Variants in ZFP2 observed in about 807,000 individuals in gnomAD.
ZFP2 encodes zinc finger protein ZFP2.
A neutral mutation model predicts 36.1 loss-of-function variants in ZFP2; 33 were observed. The ratio of observed to expected loss-of-function variants is 0.92; its 90% CI spans 0.69 to 1.22. The LOEUF is 1.22. ZFP2 is among the 50% of genes most tolerant of loss of function. The probability of loss-of-function intolerance (pLI) is 0.00; values close to 1 mark genes in which losing one functional copy is unlikely to be tolerated. For missense variants in ZFP2, 522 were observed against 551.4 expected, an observed-to-expected ratio of 0.95 and a Z score of 0.53; for synonymous variants, 170 against 178.0, an observed-to-expected ratio of 0.96 and a Z score of 0.36.
chr5:178,907,804 A>G (rs550916870), intron 1 of ZFP2, among the ~76,000 whole-genome samples: 2 of 152,368 alleles, frequency 1.3e-5, no homozygotes, highest in South Asian at 2.1e-4. Flanking sequence ...TCATCAAAGA[A>G]AGAAAACTAT....
intron 4 of ZFP2, among the ~76,000 whole-genome samples, chr5:178,918,085 T>A (rs1758479157): frequency 6.6e-6 from 1 of 152,228 alleles, no homozygotes; most frequent in Admixed American, 6.5e-5. Context: ...TCCATTTAAA[T>A]GCTTTTATTG....
rs961030 is a variant in ZFP2 at position 178,932,135 on chromosome 5, A to C, written c.822A>C (p.Gln274His). ...HTGEKPYECS[Q>H]CGKAFSKSST... is the part of the protein sequence containing the mutation. ...GAGAAAAACCCTATGAGTGTAGTCA[A>C]TGTGGAAAAGCCTTTAGTAAGAGCT... Residue 274 changes from glutamine to histidine, a missense_variant, in exon 5 of 5, where the codon CAA (glutamine) becomes CAC (histidine). Physicochemically the swap from Gln to His is conservative, Grantham distance 24. Transcript: ENST00000361362. The C allele has an allele frequency of 5.0e-6, 8 of 1,613,776 alleles. No individual in the cohort carries two copies. The East Asian group carries it at 1.3e-4, about 27-fold the overall frequency.
Position 178,896,181 on chromosome 5 carries a change from G to A in ZFP2, c.-450+207G>A, listed in dbSNP as rs545493233. ...GTGCGCTCCCTCTTCCCCAGGAGCT[G>A]GCGGCGGGAGCACGCTGGCAGCTGA... is the stretch of plus-strand genomic sequence containing the variant. On this transcript the variant is annotated intron_variant, in intron 1 of 4. Coordinates refer to ENST00000361362, the MANE Select transcript of ZFP2 (RefSeq NM_030613.4). Among the ~76,000 whole-genome samples the A allele has an allele frequency of 5.9e-5, 9 of 152,354 alleles. No individual in the cohort carries two copies. The East Asian group carries it at 1.5e-3, about 26-fold the overall frequency.
At chr5:178,915,326 T>C (rs898732417) in intron 3 of ZFP2, among the ~76,000 whole-genome samples, 15 of 138,458 alleles carry the variant, frequency 1.1e-4, no homozygotes, top group Admixed American at 3.6e-4. Flanking sequence ...TTCTTTCTTT[T>C]TTTTTTTTTT....
At chr5:178,914,457 GGTA>G (rs554706472) in intron 3 of ZFP2, among the ~76,000 whole-genome samples, 73 of 152,172 alleles carry the variant, frequency 4.8e-4, no homozygotes, top group African/African-American at 1.7e-3. Flanking sequence ...TAAAATGAAA[GGTA>G]GTGTTAATTA....
rs79833513 is a variant in ZFP2, at chr5:178,932,385, G to A, written c.1072G>A (p.Val358Met). The A allele has an allele frequency of 6.6e-5, 106 of 1,614,104 alleles. No individual in the cohort carries two copies. In the African/African-American group the frequency reaches 1.4e-3, roughly 21 times the overall value. The change falls in exon 5 of 5, where the codon GTG becomes ATG. Residue 358 changes from valine (V) to methionine (M), a missense_variant. Coordinates refer to ENST00000361362, the MANE Select transcript of ZFP2 (RefSeq NM_030613.4). Reference protein sequence around the residue: ...HTGEKPYECMVCGKHFTGRSS... With the variant: ...HTGEKPYECMMCGKHFTGRSS... ...TGGAGAGAAACCTTATGAGTGTATGGTGTGTGGAAAACATTTCACTGGACG... is the reference window on the plus strand; with the variant it reads ...TGGAGAGAAACCTTATGAGTGTATGATGTGTGGAAAACATTTCACTGGACG...
intron 1 of ZFP2, among the ~76,000 whole-genome samples, chr5:178,898,134 G>T (rs566619946): frequency 7.2e-5 from 11 of 152,122 alleles, no homozygotes; most frequent in African/African-American, 2.2e-4. Flanking sequence ...GATTACAGGC[G>T]CCCACCACCA....
intron 4 of ZFP2, among the ~76,000 whole-genome samples, chr5:178,929,282 T>C (rs1035440114): frequency 6.6e-6 from 1 of 152,278 alleles, no homozygotes; most frequent in Non-Finnish European, 1.5e-5. Context: ...CTTGAATTCC[T>C]TCCCTGAAAA....
At chr5:178,910,613 G>C in intron 1 of ZFP2, 1 of 430,234 alleles carries the variant, frequency 2.3e-6, no homozygotes, top group Non-Finnish European at 4.5e-6. Context: ...CATGGTACTG[G>C]TGTCCCGGCC....
chr5:178,909,939 A>C, intron 1 of ZFP2: 1 of 1,437,580 alleles, frequency 7.0e-7, no homozygotes, highest in Admixed American at 1.7e-5. Flanking sequence ...GTTCTCTGTT[A>C]GGAAGTTCAG....
chr5:178,919,967 GAAA>G (rs34629379), intron 4 of ZFP2, among the ~76,000 whole-genome samples: 6 of 145,750 alleles, frequency 4.1e-5, no homozygotes, highest in South Asian at 2.2e-4. Context: ...TGTCTCAAAA[GAAA>G]AAAAAAAAAA....
intron 4 of ZFP2, 84 bp from the exon 5 acceptor site, chr5:178,931,153 T>A (rs1758825181): frequency 5.1e-6 from 7 of 1,373,556 alleles, no homozygotes; most frequent in Non-Finnish European, 6.6e-6. Context: ...GATAGCTAGT[T>A]TAATTCTCTC....
At chr5:178,896,770 C>T (rs1443116405) in intron 1 of ZFP2, among the ~76,000 whole-genome samples, 3 of 152,154 alleles carry the variant, frequency 2.0e-5, no homozygotes, top group African/African-American at 4.8e-5. Flanking sequence ...ATATTAGCAG[C>T]TTTTTCTCCA....
At chr5:178,902,451 A>T (rs537709609) in intron 1 of ZFP2, among the ~76,000 whole-genome samples, 1 of 152,252 alleles carries the variant, frequency 6.6e-6, no homozygotes, top group East Asian at 1.9e-4. Context: ...CACATCACAC[A>T]TTGTATTTAG....
At position 178,912,985 on chromosome 5, in the gene ZFP2, A is replaced by G. The variant is rs1285708415; in HGVS notation, c.-310A>G. ...TAATGTCTCTCCTCTTAAGCAGGAA[A>G]TCACCTTTCCAAACCCAATGGGACT... On this transcript the variant is annotated 5_prime_UTR_variant, in exon 3 of 5. Transcript: ENST00000361362. 3.6e-5 allele frequency: 35 copies of G among 985,778 alleles called. No homozygotes were observed. Among genetic ancestry groups the G allele is most frequent in the Non-Finnish European group, 4.1e-5 (34 of 829,964 alleles). The allele number at this position is 985,778 out of a possible 1,614,324, so 61.1% of individuals were successfully genotyped here. A position where few individuals can be genotyped will look rare whatever the true frequency, so the allele number is the denominator to read the frequency against.
intron 2 of ZFP2, 65 bp from the exon 3 acceptor site, chr5:178,912,917 C>A (rs1326440380): frequency 2.9e-5 from 27 of 940,830 alleles, no homozygotes; most frequent in Non-Finnish European, 3.3e-5. Context: ...ATGATCAGAA[C>A]TCTGCTAGGA....
rs1758859973 is a variant in ZFP2, at chr5:178,932,047, A to G, written c.734A>G (p.Asn245Ser). The G allele has an allele frequency of 6.2e-7, 1 of 1,613,998 alleles. No homozygotes were observed. Among genetic ancestry groups the G allele is most frequent in the Admixed American group, 1.7e-5 (1 of 59,984 alleles). ...THTGEKPYEC[N>S]ECGKAFSQSM... ...ACAGGAGAAAAACCCTATGAATGTA[A>G]TGAATGTGGAAAAGCCTTCAGTCAA... The change falls in exon 5 of 5, where the codon AAT (asparagine) becomes AGT (serine). Residue 245 changes from asparagine (N) to serine (S), a missense_variant. Coordinates refer to ENST00000361362, the MANE Select transcript of ZFP2 (RefSeq NM_030613.4).
chr5:178,906,153 T>A, intron 1 of ZFP2, among the ~76,000 whole-genome samples: 1 of 152,128 alleles, frequency 6.6e-6, no homozygotes. Context: ...CAATAGAAGC[T>A]CTGCGCATGC....
intron 4 of ZFP2, among the ~76,000 whole-genome samples, chr5:178,918,980 T>C (rs1044663018): frequency 6.6e-6 from 1 of 152,194 alleles, no homozygotes; most frequent in Non-Finnish European, 1.5e-5. Context: ...TTTCATTTTG[T>C]AGGTAGACAG....
Sources: gnomAD v4.1 joint callset for allele counts (sites outside exome capture counted in the v4.1 genomes callset) on GRCh38, gnomAD v4.1.1 for gene constraint, MANE v1.5 for transcripts, NCBI Gene and HGNC (gene_info 2026-07-23, HGNC 2026-07-21) for gene names.